Variants in ITGB4 observed in about 807,000 individuals in gnomAD.
ITGB4 encodes the protein integrin beta-4.
A neutral mutation model predicts 207.6 loss-of-function variants in ITGB4; 159 were observed. The ratio of observed to expected loss-of-function variants is 0.77; its 90% CI spans 0.67 to 0.87. The LOEUF is 0.87. Among genes scored for constraint, ITGB4 ranks in the 40% least tolerant of loss-of-function variants. The probability of loss-of-function intolerance (pLI) is 0.00; values close to 1 mark genes in which losing one functional copy is unlikely to be tolerated. For missense variants in ITGB4, 2,278 were observed against 2,546.8 expected (o/e 0.89, Z 2.27); for synonymous variants, 1,020 against 1,062.7 (o/e 0.96, Z 0.78).
chr17:75,735,412 CTT>C (rs71361693), intron 13 of ITGB4, among the ~76,000 whole-genome samples: 24 of 102,862 alleles, frequency 2.3e-4, no homozygotes, highest in South Asian at 7.0e-4. Context: ...TTTTTCTTTT[CTT>C]TTTTTTTTTT....
In ITGB4 at chr17:75,756,874, G is replaced by A. The variant is rs375178466; in HGVS notation, c.5053+15G>A. The stretch of plus-strand genomic sequence containing the variant: ...CCAAGGAGGAGGTGCTGCCCACCCC[G>A]GGGGCAGGAGTGGCCAGGGGAGGGG... On this transcript the variant is annotated intron_variant, in intron 37 of 39. Coordinates refer to ENST00000200181, the MANE Select transcript of ITGB4 (RefSeq NM_000213.5). 25 of 1,612,016 alleles carry A rather than the reference G, an allele frequency of 1.6e-5. No individual in the cohort carries two copies. The highest frequency in any genetic ancestry group is 3.3e-5 in the Admixed American group (2 of 60,020).
In ITGB4 at chr17:75,731,482, G is replaced by A. The variant is rs938962669; in HGVS notation, c.1215+114G>A. On this transcript the variant is annotated intron_variant, in intron 10 of 39. Transcript: ENST00000200181. The surrounding 1 kb of genome is among the most constrained non-coding windows in gnomAD (Gnocchi z 6.8). ...CCCCTGGAGTCAGGCAGGCCTGGGT[G>A]CAGATCCCTGGGCCTAGCCGCTCGG... The A allele has an allele frequency of 6.3e-5, 71 of 1,133,954 alleles. No individual in the cohort carries two copies. Among genetic ancestry groups the A allele is most frequent in the Non-Finnish European group, 8.4e-5 (66 of 789,166 alleles). 70.2% of individuals were successfully genotyped at this position (1,133,954 alleles called of 1,614,324 possible). A position where few individuals can be genotyped will look rare whatever the true frequency, so the allele number is the denominator to read the frequency against.
intron 5 of ITGB4, among the ~76,000 whole-genome samples, chr17:75,728,078 A>G (rs2060761633): frequency 6.6e-6 from 1 of 152,186 alleles, no homozygotes; most frequent in African/African-American, 2.4e-5. Flanking sequence ...CAGTGGAGCC[A>G]TCTGGCCCTG....
Position 75,731,897 on chromosome 17 carries a change from T to G in ITGB4, c.1301T>G (p.Ile434Ser). The G allele has an allele frequency of 1.9e-6, 3 of 1,614,036 alleles. No individual in the cohort carries two copies. The highest frequency in any genetic ancestry group is 1.7e-6 in the Non-Finnish European group (2 of 1,180,008). Residue 434 changes from isoleucine (I) to serine (S), a missense_variant, in exon 11 of 40, where the codon ATC (isoleucine) becomes AGC (serine). Physicochemically the swap from Ile to Ser is moderately radical, Grantham distance 142 (BLOSUM62 -2). Coordinates refer to ENST00000200181, the MANE Select transcript of ITGB4 (RefSeq NM_000213.5). The surrounding 1 kb of genome is among the most constrained non-coding windows in gnomAD (Gnocchi z 6.8). ...CTGCCGGAGGACCAGAAGGGCAACATCCATCTGAAACCTTCCTTCTCCGAC... is the reference window on the plus strand; with the variant it reads ...CTGCCGGAGGACCAGAAGGGCAACAGCCATCTGAAACCTTCCTTCTCCGAC... ...CQLPEDQKGN[I>S]HLKPSFSDGL...
intron 13 of ITGB4, among the ~76,000 whole-genome samples, chr17:75,734,625 T>G (rs2060936898): frequency 6.6e-6 from 1 of 152,098 alleles, no homozygotes; most frequent in Admixed American, 6.6e-5. Flanking sequence ...TGAATGAAAA[T>G]CTACTCATCA....
In ITGB4 at chr17:75,753,936, G is replaced by C; in HGVS notation, c.4280G>C (p.Gly1427Ala). ...PDDGGAGGKGGSLPRSATPGP... is the reference protein window; with the variant it reads ...PDDGGAGGKGASLPRSATPGP... ...GACGGCGGCGCGGGCGGGAAGGGCGGCAGCCTGCCCCGCAGTGCGACACCC... is the reference window on the plus strand; with the variant it reads ...GACGGCGGCGCGGGCGGGAAGGGCGCCAGCCTGCCCCGCAGTGCGACACCC... The change falls in exon 33 of 40, where the codon GGC becomes GCC. Residue 1427 changes from glycine (G) to alanine (A), a missense_variant. Coordinates refer to ENST00000200181, the MANE Select transcript of ITGB4 (RefSeq NM_000213.5). The C allele has an allele frequency of 7.8e-7, 1 of 1,281,386 alleles. No individual in the cohort carries two copies. Among genetic ancestry groups the C allele is most frequent in the Non-Finnish European group, 9.8e-7 (1 of 1,020,196 alleles). The allele number at this position is 1,281,386 out of a possible 1,614,324, so 79.4% of individuals were successfully genotyped here. A position where few individuals can be genotyped will look rare whatever the true frequency, so the allele number is the denominator to read the frequency against.
rs1235480139 is a variant in ITGB4, at chr17:75,743,838, G to A, written c.3088G>A (p.Asp1030Asn). Residue 1030 changes from aspartate to asparagine, a missense_variant, in exon 26 of 40, where the codon GAT becomes AAT. Coordinates refer to ENST00000200181, the MANE Select transcript of ITGB4 (RefSeq NM_000213.5). The stretch of plus-strand genomic sequence containing the variant: ...GTCCCAGGTCTCCTACCGCACACAG[G>A]ATGGCACCGCGCAGGGCAACCGGGT... ...GKSQVSYRTQDGTAQGNRDYI... is the reference protein window; with the variant it reads ...GKSQVSYRTQNGTAQGNRDYI... The A allele has an allele frequency of 6.2e-7, 1 of 1,602,522 alleles. No homozygotes were observed. Among genetic ancestry groups the A allele is most frequent in the Non-Finnish European group, 8.5e-7 (1 of 1,175,168 alleles).
At position 75,743,745 on chromosome 17, in the gene ITGB4, T is replaced by A. The variant is rs1386578633; in HGVS notation, c.2995T>A (p.Phe999Ile). ...CGTGGTGTCCTTTGAGCAGCCTGAG[T>A]TCTCGGTCAGCCGCGGGGACCAGGT... ...RDVVSFEQPE[F>I]SVSRGDQVAR... The change falls in exon 26 of 40, where the codon TTC becomes ATC. Residue 999 changes from phenylalanine to isoleucine, a missense_variant. Coordinates refer to ENST00000200181, the MANE Select transcript of ITGB4 (RefSeq NM_000213.5). The A allele has an allele frequency of 6.2e-7, 1 of 1,613,342 alleles. No homozygotes were observed. Among genetic ancestry groups the A allele is most frequent in the African/African-American group, 1.3e-5 (1 of 74,886 alleles).
Position 75,750,320 on chromosome 17 carries a change from G to A in ITGB4, c.3474+52G>A. 1.3e-6 allele frequency: 2 copies of A among 1,559,738 alleles called. No homozygotes were observed. The highest frequency in any genetic ancestry group is 1.7e-6 in the Non-Finnish European group (2 of 1,148,742). ...CAGGTGGATGGGCGGTCTGGCACCAGCACTCACAGAAGAGGTGGGCCGTCC... is the reference window on the plus strand; with the variant it reads ...CAGGTGGATGGGCGGTCTGGCACCAACACTCACAGAAGAGGTGGGCCGTCC... On this transcript the variant is annotated intron_variant, in intron 28 of 39. Coordinates refer to ENST00000200181, the MANE Select transcript of ITGB4 (RefSeq NM_000213.5). This position sits in a 1 kb window ranked among gnomAD's most constrained non-coding sequence, Gnocchi z 5.5.
rs192009970 is a variant in ITGB4 at position 75,723,791 on chromosome 17, C to A, written c.-10-903C>A. 1.1e-4 allele frequency among the ~76,000 whole-genome samples: 16 copies of A among 152,348 alleles called. No homozygotes were observed. The East Asian group carries it at 3.1e-3, about 29-fold the overall frequency. On this transcript the variant is annotated intron_variant, in intron 1 of 39. Coordinates refer to ENST00000200181, the MANE Select transcript of ITGB4 (RefSeq NM_000213.5). The stretch of plus-strand genomic sequence containing the variant: ...GGCTTGGGCCCCTGGGAGACCTGGC[C>A]CTAGAGAAAGAGGCGCGGTGCTCAC...
Position 75,727,962 on chromosome 17 carries a change from T to C in ITGB4, c.469+107T>C. On this transcript the variant is annotated intron_variant, in intron 5 of 39. Coordinates refer to ENST00000200181, the MANE Select transcript of ITGB4 (RefSeq NM_000213.5). This position sits in a 1 kb window ranked among gnomAD's most constrained non-coding sequence, Gnocchi z 6.0. ...GCTGCACCCACCCAGAAGGAAACACTGGACATTTGAGCCCCCAAAAACCTT... is the reference window on the plus strand; with the variant it reads ...GCTGCACCCACCCAGAAGGAAACACCGGACATTTGAGCCCCCAAAAACCTT... 1 of 1,023,790 alleles carries C rather than the reference T, an allele frequency of 9.8e-7. No individual in the cohort carries two copies. The highest frequency in any genetic ancestry group is 2.5e-5 in the East Asian group (1 of 40,706). 63.4% of individuals were successfully genotyped at this position (1,023,790 alleles called of 1,614,324 possible).
At chr17:75,749,109 A>AG in intron 27 of ITGB4, 64 bp downstream of exon 27, 1 of 1,354,854 alleles carries the variant, frequency 7.4e-7, no homozygotes, top group Admixed American at 1.9e-5. Context: ...TCTCTCAACT[A>AG]GGTCTGTCAG....
rs1391835092 is a variant in ITGB4, at chr17:75,737,482, G to A, written c.2113+38G>A. 3 of 1,553,564 alleles carry A rather than the reference G, an allele frequency of 1.9e-6. No individual in the cohort carries two copies. In the South Asian group the frequency reaches 3.6e-5, roughly 18 times the overall value. On this transcript the variant is annotated intron_variant, in intron 17 of 39. Coordinates refer to ENST00000200181, the MANE Select transcript of ITGB4 (RefSeq NM_000213.5). The stretch of plus-strand genomic sequence containing the variant: ...GGCCGGGCGCAGGGAGGGGGCGTGT[G>A]GCCAGAGCTCGGTGGGGAGGACAGG...
At position 75,727,549 on chromosome 17, in the gene ITGB4, C is replaced by T. The variant is rs1180910292; in HGVS notation, c.264+44C>T. 5.0e-6 allele frequency: 8 copies of T among 1,604,138 alleles called. No individual in the cohort carries two copies. Among genetic ancestry groups the T allele is most frequent in the Non-Finnish European group, 6.0e-6 (7 of 1,174,900 alleles). ...GGGGTGGGGGCTCCCCATGCTCAGC[C>T]TGGCTATTTATGGGGGTGTATAGTG... On this transcript the variant is annotated intron_variant, in intron 4 of 39. Transcript: ENST00000200181. This position sits in a 1 kb window ranked among gnomAD's most constrained non-coding sequence, Gnocchi z 6.0.
At position 75,729,532 on chromosome 17, in the gene ITGB4, C is replaced by A; in HGVS notation, c.738+96C>A. ...CCCTGGCCTGCTCTGGTGCCAGGCT[C>A]ACAGGCCCTGAGGGAAAGCCTGGGA... is the stretch of plus-strand genomic sequence containing the variant. On this transcript the variant is annotated intron_variant, in intron 7 of 39. Coordinates refer to ENST00000200181, the MANE Select transcript of ITGB4 (RefSeq NM_000213.5). This position sits in a 1 kb window ranked among gnomAD's most constrained non-coding sequence, Gnocchi z 4.4. The A allele has an allele frequency of 7.4e-7, 1 of 1,345,438 alleles. No homozygotes were observed. 83.3% of individuals were successfully genotyped at this position (1,345,438 alleles called of 1,614,324 possible). A position where few individuals can be genotyped will look rare whatever the true frequency, so the allele number is the denominator to read the frequency against.
Position 75,756,867 on chromosome 17 carries a change from C to T in ITGB4, c.5053+8C>T, listed in dbSNP as rs769909975. The T allele has an allele frequency of 1.2e-6, 2 of 1,612,260 alleles. No individual in the cohort carries two copies. Among genetic ancestry groups the T allele is most frequent in the Non-Finnish European group, 1.7e-6 (2 of 1,179,944 alleles). On this transcript the variant is annotated splice_region_variant and intron_variant, in intron 37 of 39. Transcript: ENST00000200181. ...AGATGGCCCAAGGAGGAGGTGCTGC[C>T]CACCCCGGGGGCAGGAGTGGCCAGG... is the stretch of plus-strand genomic sequence containing the variant.
In ITGB4 at chr17:75,724,714, C is replaced by T. The variant is rs147285287; in HGVS notation, c.11C>T (p.Pro4Leu). The T allele has an allele frequency of 1.1e-5, 17 of 1,613,694 alleles. No individual in the cohort carries two copies. The highest frequency in any genetic ancestry group is 1.4e-5 in the Non-Finnish European group (17 of 1,179,890). ...TGCAGGAGGAAGAGGATGGCAGGGC[C>T]ACGCCCCAGCCCATGGGCCAGGCTG... Reference protein sequence around the residue: MAGPRPSPWARLLL... With the variant: MAGLRPSPWARLLL... The change falls in exon 2 of 40, where the codon CCA becomes CTA. Residue 4 changes from proline to leucine, a missense_variant. Transcript: ENST00000200181.
In ITGB4 at chr17:75,727,277, G is replaced by A. The variant is rs2060739187; in HGVS notation, c.162G>A (p.Glu54=). 1 of 1,613,870 alleles carries A rather than the reference G, an allele frequency of 6.2e-7. No individual in the cohort carries two copies. ...AGGACTGCGCCTACTGCACAGACGA[G>A]GTGAGGACCTGGCCCGGGTTGGTGT... ...VDKDCAYCTD[E]MFRDRRCNTQ... is the part of the protein sequence containing the mutation. The change falls in exon 3 of 40, where the codon GAG becomes GAA. Residue 54 remains glutamate, a splice_region_variant and synonymous_variant. Coordinates refer to ENST00000200181, the MANE Select transcript of ITGB4 (RefSeq NM_000213.5). The surrounding 1 kb of genome is among the most constrained non-coding windows in gnomAD (Gnocchi z 6.0).
Position 75,731,813 on chromosome 17 carries a change from G to A in ITGB4, c.1217G>A (p.Gly406Asp), listed in dbSNP as rs756711471. Residue 406 changes from glycine to aspartate, a missense_variant and splice_region_variant, in exon 11 of 40, where the codon GGT (glycine) becomes GAT (aspartate). Physicochemically the swap from Gly to Asp is moderately conservative, Grantham distance 94. Coordinates refer to ENST00000200181, the MANE Select transcript of ITGB4 (RefSeq NM_000213.5). This position sits in a 1 kb window ranked among gnomAD's most constrained non-coding sequence, Gnocchi z 6.8. ...GSFHIRRGEVGIYQVQLRALE... is the reference protein window; with the variant it reads ...GSFHIRRGEVDIYQVQLRALE... Reference sequence around the variant, plus strand: ...TGGCTGACCACGGGGCCCCTGCAGGGTATATACCAGGTGCAGCTGCGGGCC... The same window carrying A: ...TGGCTGACCACGGGGCCCCTGCAGGATATATACCAGGTGCAGCTGCGGGCC... 8.8e-6 allele frequency: 14 copies of A among 1,589,068 alleles called. No homozygotes were observed. Among genetic ancestry groups the A allele is most frequent in the Non-Finnish European group, 1.1e-5 (13 of 1,167,866 alleles).
Sources: allele counts gnomAD v4.1 joint callset (sites outside exome capture counted in the v4.1 genomes callset), GRCh38; gene constraint gnomAD v4.1.1; non-coding constraint Gnocchi (gnomAD v3.1); transcripts MANE v1.5; gene names NCBI Gene and HGNC (gene_info 2026-07-23, HGNC 2026-07-21).